Variants in RFX4 observed in about 807,000 individuals in gnomAD.
RFX4 encodes transcription factor RFX4.
In RFX4, 10 loss-of-function variants were observed where a neutral mutation model predicts 95.0. The observed-to-expected ratio is 0.11, with a 90% CI of 0.06 to 0.18. The LOEUF is 0.18. Among genes scored for constraint, RFX4 ranks in the 10% least tolerant of loss-of-function variants. RFX4 has a pLI of 1.00. For missense variants in RFX4, 640 were observed against 922.0 expected (o/e 0.69, Z 3.96); for synonymous variants, 321 against 340.7 (o/e 0.94, Z 0.64).
At chr12:106,630,183 T>C (rs2040391166) in intron 2 of RFX4, among the ~76,000 whole-genome samples, 1 of 152,208 alleles carries the variant, frequency 6.6e-6, no homozygotes, top group Admixed American at 6.5e-5. Flanking sequence ...CCATTGTCTG[T>C]GGAATGATTG....
intron 1 of RFX4, among the ~76,000 whole-genome samples, chr12:106,590,656 G>T (rs1464456423): frequency 6.6e-6 from 1 of 152,188 alleles, no homozygotes; most frequent in Non-Finnish European, 1.5e-5. Context: ...ACAGAGAAAG[G>T]ATATAATGGC....
chr12:106,639,761 A>G (rs1385958808), intron 3 of RFX4, among the ~76,000 whole-genome samples: 13 of 152,210 alleles, frequency 8.5e-5, no homozygotes, highest in Admixed American at 6.5e-4. Flanking sequence ...ACAATTGTAT[A>G]TAATTATTTT....
intron 1 of RFX4, among the ~76,000 whole-genome samples, chr12:106,604,404 G>A (rs547858599): frequency 6.6e-6 from 1 of 152,178 alleles, no homozygotes; most frequent in East Asian, 1.9e-4. Context: ...TTACAGGTGT[G>A]AGCCACCACA....
At chr12:106,715,215 G>T (rs1240681964) in intron 10 of RFX4, 185 bp from the exon 11 acceptor site, 3 of 637,652 alleles carry the variant, frequency 4.7e-6, no homozygotes, top group Non-Finnish European at 7.8e-6. Flanking sequence ...AACCATAGGA[G>T]AAAACAGTGT....
Position 106,720,121 on chromosome 12 carries a change from G to A in RFX4, c.1233+67G>A. 4 of 1,360,132 alleles carry A rather than the reference G, an allele frequency of 2.9e-6. No homozygotes were observed. The highest frequency in any genetic ancestry group is 4.2e-6 in the Non-Finnish European group (4 of 950,490). The allele number at this position is 1,360,132 out of a possible 1,614,324, so 84.3% of individuals were successfully genotyped here. A position where few individuals can be genotyped will look rare whatever the true frequency, so the allele number is the denominator to read the frequency against. ...GCCCACCACTGCCCTCTGTGAACTT[G>A]GCCAAGACAAAGCCCTATGGTAAGC... On this transcript the variant is annotated intron_variant, in intron 12 of 17. Transcript: ENST00000392842. The surrounding 1 kb of genome is among the most constrained non-coding windows in gnomAD (Gnocchi z 4.2).
At chr12:106,749,063 G>A (rs866505508) in intron 16 of RFX4, among the ~76,000 whole-genome samples, 1 of 147,284 alleles carries the variant, frequency 6.8e-6, no homozygotes, top group African/African-American at 2.5e-5. Context: ...CCAGCCTGGC[G>A]ACAGAGGGAG....
intron 1 of RFX4, among the ~76,000 whole-genome samples, chr12:106,594,654 C>T (rs1274682464): frequency 6.6e-6 from 1 of 152,116 alleles, no homozygotes. Flanking sequence ...TGGGCAGCCT[C>T]GCACAGAGGC....
chr12:106,761,114 T>C (rs915909617), intron 17 of RFX4, 83 bp from the exon 18 acceptor site: 2 of 1,428,134 alleles, frequency 1.4e-6, no homozygotes, highest in Non-Finnish European at 1.9e-6. Context: ...GAAATTTAAC[T>C]TAAACTATAA....
At chr12:106,601,822 C>T (rs2039717527) in intron 1 of RFX4, among the ~76,000 whole-genome samples, 1 of 152,238 alleles carries the variant, frequency 6.6e-6, no homozygotes, top group Admixed American at 6.5e-5. Flanking sequence ...TTTCCCAGAA[C>T]CACCAGGCCT....
chr12:106,740,802 G>A (rs895970572), intron 15 of RFX4, among the ~76,000 whole-genome samples: 3 of 129,498 alleles, frequency 2.3e-5, no homozygotes, highest in African/African-American at 9.4e-5. Context: ...ACGCATCTTA[G>A]TTGGTGGTCA....
chr12:106,598,221 A>G (rs144817615), intron 1 of RFX4, among the ~76,000 whole-genome samples: 1 of 152,332 alleles, frequency 6.6e-6, no homozygotes, highest in African/African-American at 2.4e-5. Context: ...ACTCTCAGGA[A>G]ATGATTCAAA....
At chr12:106,583,422 G>T in intron 1 of RFX4, 59 bp downstream of exon 1, 1 of 1,456,552 alleles carries the variant, frequency 6.9e-7, no homozygotes. Context: ...AGGGAGAGGG[G>T]GAACTTTAGA....
intron 4 of RFX4, chr12:106,662,134 T>G: frequency 2.6e-6 from 1 of 384,646 alleles, no homozygotes; most frequent in East Asian, 8.7e-5. Context: ...TGTAATAAAC[T>G]GCCAAACTGT....
intron 1 of RFX4, among the ~76,000 whole-genome samples, chr12:106,591,712 T>A (rs2039549306): frequency 6.6e-6 from 1 of 152,242 alleles, no homozygotes; most frequent in African/African-American, 2.4e-5. Flanking sequence ...ATATTTGCTT[T>A]GTCTCTGAGA....
intron 15 of RFX4, among the ~76,000 whole-genome samples, chr12:106,739,469 G>A (rs1193833850): frequency 1.3e-5 from 2 of 152,184 alleles, no homozygotes; most frequent in African/African-American, 4.8e-5. Context: ...GGCATCCTTC[G>A]ATACAAGGAC....
intron 8 of RFX4, among the ~76,000 whole-genome samples, chr12:106,697,988 T>C (rs2041913268): frequency 6.6e-6 from 1 of 151,840 alleles, no homozygotes; most frequent in Non-Finnish European, 1.5e-5. Flanking sequence ...TATTTTTTTT[T>C]TGAGACGGAG....
chr12:106,753,848 A>T (rs1185490735), intron 17 of RFX4, among the ~76,000 whole-genome samples: 2 of 152,218 alleles, frequency 1.3e-5, no homozygotes, highest in Admixed American at 1.3e-4. Context: ...TCTATTCTGC[A>T]GGCACAGGAA....
chr12:106,604,633 T>A (rs2039786906), intron 1 of RFX4, among the ~76,000 whole-genome samples: 1 of 152,138 alleles, frequency 6.6e-6, no homozygotes, highest in African/African-American at 2.4e-5. Context: ...TGTGTGTCAC[T>A]AATGTAACAG....
rs1188007712 is a variant in RFX4 at position 106,742,698 on chromosome 12, T to C, written c.1634-4739T>C. ...AATACACATTCAACTGTAAGAAACATTGCTATGGAAAGGGTTTGGGGTTGG... is the reference window on the plus strand; with the variant it reads ...AATACACATTCAACTGTAAGAAACACTGCTATGGAAAGGGTTTGGGGTTGG... On this transcript the variant is annotated intron_variant, in intron 15 of 17. Transcript: ENST00000392842. Among the ~76,000 whole-genome samples the C allele has an allele frequency of 1.3e-4, 20 of 152,258 alleles. No homozygotes were observed. The East Asian group carries it at 2.5e-3, about 19-fold the overall frequency.
Sources: gnomAD v4.1 joint callset for allele counts (sites outside exome capture counted in the v4.1 genomes callset) on GRCh38, gnomAD v4.1.1 for gene constraint, Gnocchi (gnomAD v3.1) non-coding constraint, MANE v1.5 for transcripts, NCBI Gene and HGNC (gene_info 2026-07-23, HGNC 2026-07-21) for gene names.